Variants in TBC1D14 observed in about 807,000 individuals in gnomAD.
TBC1D14 encodes the protein TBC1 domain family member 14.
Under a neutral mutation model 79.0 loss-of-function variants are expected in TBC1D14, and 26 were observed. The observed-to-expected ratio is 0.33, with a 90% CI of 0.24 to 0.46. The LOEUF (loss-of-function observed/expected upper bound fraction) is 0.46. TBC1D14 is among the 20% of genes least tolerant of loss of function. The pLI, the probability that TBC1D14 is intolerant of heterozygous loss-of-function variation, is 1.00. For missense variants in TBC1D14, 769 were observed against 887.6 expected (o/e 0.87, Z 1.70); for synonymous variants, 394 against 349.9 (o/e 1.13, Z -1.40).
rs568898580 is a variant in TBC1D14 at position 7,002,436 on chromosome 4, G to C, written c.1270+1185G>C. 5.3e-5 allele frequency among the ~76,000 whole-genome samples: 8 copies of C among 152,292 alleles called. No individual in the cohort carries two copies. The East Asian group carries it at 1.5e-3, about 29-fold the overall frequency. On this transcript the variant is annotated intron_variant, in intron 7 of 13. Coordinates refer to ENST00000409757, the MANE Select transcript of TBC1D14 (RefSeq NM_020773.3). ...TAATTTTTGCTTCTCACTGATGCCT[G>C]GGTGGATTTTATTTAAATTAAAACC...
intron 2 of TBC1D14, among the ~76,000 whole-genome samples, chr4:6,952,325 G>A (rs545343320): frequency 2.8e-4 from 43 of 152,340 alleles, no homozygotes; most frequent in African/African-American, 9.9e-4. Context: ...CGATGCCGCT[G>A]CTGGTCCAGA....
intron 3 of TBC1D14, among the ~76,000 whole-genome samples, chr4:6,990,156 A>T (rs1250900894): frequency 6.6e-6 from 1 of 152,200 alleles, no homozygotes; most frequent in Non-Finnish European, 1.5e-5. Context: ...CTTGTTCTAA[A>T]TTCCTTCTGG....
Position 7,008,963 on chromosome 4 carries a change from A to G in TBC1D14, c.1447-914A>G, listed in dbSNP as rs116717683. Among the ~76,000 whole-genome samples the G allele has an allele frequency of 3.5e-3, 531 of 152,192 alleles. 2 individuals are homozygous for G. The highest frequency in any genetic ancestry group is 0.012 in the African/African-American group (504 of 41,528). On this transcript the variant is annotated intron_variant, in intron 9 of 13. Coordinates refer to ENST00000409757, the MANE Select transcript of TBC1D14 (RefSeq NM_020773.3). ...CCCCACCCTAGGCCTGGATGCTGGC[A>G]TTTTTACCCTCTCATTGCTATTTTT...
chr4:7,030,946 G>C lies in TBC1D14; in HGVS notation c.*554G>C, dbSNP rs1419668516. On this transcript the variant is annotated 3_prime_UTR_variant, in exon 14 of 14. Transcript: ENST00000409757. Reference sequence around the variant, plus strand: ...TGAGGATGGCCACTGATGTGTGTTTGTGGATACCTGGGCATCGACCCAGCC... The same window carrying C: ...TGAGGATGGCCACTGATGTGTGTTTCTGGATACCTGGGCATCGACCCAGCC... 1 of 154,086 alleles carries C rather than the reference G, an allele frequency of 6.5e-6. No homozygotes were observed. Among genetic ancestry groups the C allele is most frequent in the Non-Finnish European group, 1.4e-5 (1 of 69,274 alleles). 9.5% of individuals were successfully genotyped at this position (154,086 alleles called of 1,614,324 possible). A position where few individuals can be genotyped will look rare whatever the true frequency, so the allele number is the denominator to read the frequency against.
intron 11 of TBC1D14, among the ~76,000 whole-genome samples, chr4:7,013,221 A>G (rs1560349669): frequency 6.6e-6 from 1 of 152,220 alleles, no homozygotes; most frequent in Non-Finnish European, 1.5e-5. Flanking sequence ...TGTGCGCTGG[A>G]GGATGCTAAG....
intron 12 of TBC1D14, among the ~76,000 whole-genome samples, chr4:7,018,504 T>A (rs1223757183): frequency 6.6e-6 from 1 of 152,154 alleles, no homozygotes; most frequent in East Asian, 1.9e-4. Context: ...GCTTCAAGAG[T>A]CACCTCTGTG....
At chr4:6,999,390 C>G (rs1425621115) in intron 6 of TBC1D14, among the ~76,000 whole-genome samples, 188 bp downstream of exon 6, 6 of 152,068 alleles carry the variant, frequency 3.9e-5, no homozygotes, top group African/African-American at 1.4e-4. Flanking sequence ...ATAGCCCCTT[C>G]CCCTCCCTTC....
intron 13 of TBC1D14, among the ~76,000 whole-genome samples, chr4:7,028,023 CAT>C (rs930107294): frequency 1.1e-4 from 16 of 145,216 alleles, no homozygotes; most frequent in African/African-American, 3.8e-4. Context: ...CACACCCACA[CAT>C]ACATGCACAC....
intron 2 of TBC1D14, among the ~76,000 whole-genome samples, chr4:6,945,516 A>C (rs980787090): frequency 6.6e-6 from 1 of 152,160 alleles, no homozygotes; most frequent in Admixed American, 6.5e-5. Context: ...TGGGAGGCTG[A>C]GGTGGGCGGA....
intron 2 of TBC1D14, among the ~76,000 whole-genome samples, chr4:6,962,640 C>T (rs2109035182): frequency 1.3e-5 from 2 of 152,152 alleles, no homozygotes; most frequent in South Asian, 2.1e-4. Flanking sequence ...ATGGCCCTCA[C>T]CCCCTACTGG....
intron 12 of TBC1D14, among the ~76,000 whole-genome samples, chr4:7,021,736 A>G (rs1333162496): frequency 6.6e-6 from 1 of 152,106 alleles, no homozygotes; most frequent in Non-Finnish European, 1.5e-5. Context: ...CTACAACGCA[A>G]TAATATGCAG....
intron 2 of TBC1D14, among the ~76,000 whole-genome samples, chr4:6,962,952 T>C (rs990977437): frequency 6.6e-6 from 1 of 152,290 alleles, no homozygotes; most frequent in African/African-American, 2.4e-5. Context: ...TAGAACCTAC[T>C]GCATGCTGGG....
At chr4:6,928,469 G>A (rs1162133129) in intron 2 of TBC1D14, among the ~76,000 whole-genome samples, 2 of 152,178 alleles carry the variant, frequency 1.3e-5, no homozygotes. Flanking sequence ...ATCTTGAGGA[G>A]GTCACTTAGC....
intron 1 of TBC1D14, chr4:6,910,156 C>T (rs1379548920): frequency 2.6e-5 from 4 of 151,446 alleles, no homozygotes; most frequent in Admixed American, 6.6e-5. Context: ...CCCGGGGTGC[C>T]GTTACGGGGC....
chr4:6,938,760 CA>C lies in TBC1D14; in HGVS notation c.722+14650del, dbSNP rs147730011. On this transcript the variant is annotated intron_variant, in intron 2 of 13. Transcript: ENST00000409757. ...GTGCCTCGTGGATCCCGCATTCACCCAGGGGGCACAGGAGAGATGCCGGGGT... is the reference window on the plus strand; with the variant it reads ...GTGCCTCGTGGATCCCGCATTCACCCGGGGGCACAGGAGAGATGCCGGGGT... 5.9e-5 allele frequency among the ~76,000 whole-genome samples: 9 copies of C among 152,360 alleles called. No homozygotes were observed. In the East Asian group the frequency reaches 1.5e-3, roughly 26 times the overall value.
chr4:6,949,935 G>T (rs1023946556), intron 2 of TBC1D14, among the ~76,000 whole-genome samples: 1 of 152,106 alleles, frequency 6.6e-6, no homozygotes. Flanking sequence ...TGGGATACAT[G>T]TGCAGAACAT....
At chr4:6,914,052 C>T (rs1300358162) in intron 1 of TBC1D14, among the ~76,000 whole-genome samples, 1 of 151,524 alleles carries the variant, frequency 6.6e-6, no homozygotes, top group Non-Finnish European at 1.5e-5. Flanking sequence ...AGGTGGGAGG[C>T]TCACTTGAGC....
intron 3 of TBC1D14, among the ~76,000 whole-genome samples, chr4:6,973,345 C>T (rs1345129754): frequency 6.6e-6 from 1 of 151,990 alleles, no homozygotes; most frequent in African/African-American, 2.4e-5. Context: ...TCTTGGTGGT[C>T]AGTGGAAGTA....
At chr4:6,909,557 C>G (rs564973791), upstream of TBC1D14, 5 of 151,976 alleles carry the variant, frequency 3.3e-5, no homozygotes, top group Non-Finnish European at 5.9e-5. Context: ...CACAAAGGCC[C>G]GCTCAAGGCA....
Sources: gnomAD v4.1 joint callset for allele counts (sites outside exome capture counted in the v4.1 genomes callset) on GRCh38, gnomAD v4.1.1 for gene constraint, MANE v1.5 for transcripts, NCBI Gene and HGNC (gene_info 2026-07-23, HGNC 2026-07-21) for gene names.